The following EXOSC9 variants were observed in gnomAD, a reference collection of about 807,000 sequenced individuals.
EXOSC9 encodes exosome complex component RRP45.
Under a neutral mutation model 56.5 loss-of-function variants are expected in EXOSC9, and 38 were observed. The ratio of observed to expected loss-of-function variants is 0.67; its 90% CI spans 0.52 to 0.88. EXOSC9 has a LOEUF of 0.88. Among genes scored for constraint, EXOSC9 ranks in the 40% least tolerant of loss-of-function variants. The pLI, the probability that EXOSC9 is intolerant of heterozygous loss-of-function variation, is 0.00. For missense variants in EXOSC9, 559 were observed against 530.5 expected, an observed-to-expected ratio of 1.05 and a Z score of -0.53; for synonymous variants, 170 against 170.8, an observed-to-expected ratio of 0.99 and a Z score of 0.04.
chr4:121,816,040 TC>T, intron 10 of EXOSC9: 2 of 972,322 alleles, frequency 2.1e-6, no homozygotes, highest in Admixed American at 7.6e-5. Context: ...CACTGCAACC[TC>T]CACCTCCATG....
At chr4:121,806,848 G>A (rs116380932) in intron 5 of EXOSC9, among the ~76,000 whole-genome samples, 2,231 of 152,148 alleles carry the variant, frequency 0.015, 74 homozygotes, top group African/African-American at 0.051. Flanking sequence ...TTGGGGCTAG[G>A]GTGGGAGTAC....
chr4:121,802,057 T>A, intron 2 of EXOSC9, 136 bp downstream of exon 2: 1 of 659,248 alleles, frequency 1.5e-6, no homozygotes, highest in South Asian at 2.0e-5. Context: ...AGTATTTTTT[T>A]ATGCGAGATT....
chr4:121,812,582 A>C (rs1168722569), intron 8 of EXOSC9, among the ~76,000 whole-genome samples: 1 of 152,066 alleles, frequency 6.6e-6, no homozygotes, highest in Non-Finnish European at 1.5e-5. Context: ...CCTCCGCCTC[A>C]TGGCTTCAAG....
intron 5 of EXOSC9, among the ~76,000 whole-genome samples, chr4:121,805,665 TAAAG>T (rs1254520835): frequency 6.6e-6 from 1 of 152,124 alleles, no homozygotes; most frequent in African/African-American, 2.4e-5. Flanking sequence ...AAAAATCAAT[TAAAG>T]AATACTGTGG....
At chr4:121,801,963 T>A in intron 2 of EXOSC9, 42 bp downstream of exon 2, 1 of 1,405,124 alleles carries the variant, frequency 7.1e-7, no homozygotes, top group Non-Finnish European at 1.0e-6. Context: ...AAGGGAGAAG[T>A]TTGAAAAAAG....
At position 121,816,896 on chromosome 4, in the gene EXOSC9, G is replaced by T. The variant is rs549907729; in HGVS notation, c.*40G>T. ...TATCTGTATATATAACTATTAAAAG[G>T]GATATTTATTCCATTCTGAGAACCC... On this transcript the variant is annotated 3_prime_UTR_variant, in exon 12 of 12. Coordinates refer to ENST00000243498, the MANE Select transcript of EXOSC9 (RefSeq NM_005033.3). The T allele has an allele frequency of 1.0e-5, 15 of 1,462,628 alleles. No individual in the cohort carries two copies. The Admixed American group carries it at 2.4e-4, about 23-fold the overall frequency. The allele number at this position is 1,462,628 out of a possible 1,614,324, so 90.6% of individuals were successfully genotyped here. A position where few individuals can be genotyped will look rare whatever the true frequency, so the allele number is the denominator to read the frequency against.
intron 4 of EXOSC9, among the ~76,000 whole-genome samples, chr4:121,804,153 A>G (rs1578497578): frequency 6.8e-6 from 1 of 146,844 alleles, no homozygotes; most frequent in Non-Finnish European, 1.5e-5. Flanking sequence ...GGCGCGTGCC[A>G]CTCCACCCAG....
chr4:121,813,321 C>G lies in EXOSC9; in HGVS notation c.915C>G (p.Thr305=). ...AFKMEKAPID[T]SDVEEKAEEI... Reference sequence around the variant, plus strand: ...AAATGGAAAAGGCCCCTATTGATACCTCGGATGTAGAAGAAAAAGCAGAAG... The same window carrying G: ...AAATGGAAAAGGCCCCTATTGATACGTCGGATGTAGAAGAAAAAGCAGAAG... Residue 305 remains threonine (T), a synonymous_variant, in exon 9 of 12, where the codon ACC becomes ACG. Transcript: ENST00000243498. The G allele has an allele frequency of 6.2e-7, 1 of 1,613,492 alleles. No homozygotes were observed. Among genetic ancestry groups the G allele is most frequent in the East Asian group, 2.2e-5 (1 of 44,834 alleles).
intron 6 of EXOSC9, among the ~76,000 whole-genome samples, chr4:121,809,235 TCCTGA>T (rs1230467569): frequency 4.6e-5 from 7 of 151,650 alleles, no homozygotes; most frequent in Admixed American, 4.6e-4. Context: ...GATCTTGCAG[TCCTGA>T]CCTCCCAAAG....
intron 10 of EXOSC9, chr4:121,816,055 T>C: frequency 1.2e-6 from 1 of 855,584 alleles, no homozygotes; most frequent in Non-Finnish European, 1.6e-6. Context: ...CTCCATGGGT[T>C]CAAGCGATTC....
chr4:121,811,380 A>G (rs1271557929), intron 7 of EXOSC9, among the ~76,000 whole-genome samples: 1 of 152,184 alleles, frequency 6.6e-6, no homozygotes, highest in Non-Finnish European at 1.5e-5. Flanking sequence ...GAAAGTTTTT[A>G]TGTCTGTTCC....
In EXOSC9 at chr4:121,816,950, T is replaced by A. The variant is rs949102818; in HGVS notation, c.*94T>A. The A allele has an allele frequency of 8.3e-7, 1 of 1,201,812 alleles. No homozygotes were observed. The highest frequency in any genetic ancestry group is 1.1e-6 in the Non-Finnish European group (1 of 895,486). The allele number at this position is 1,201,812 out of a possible 1,614,324, so 74.4% of individuals were successfully genotyped here. Reference sequence around the variant, plus strand: ...GTATTTTTTATTCACAAATCCATTATAAAATCTAGCAGGATTTTAAAAATA... The same window carrying A: ...GTATTTTTTATTCACAAATCCATTAAAAAATCTAGCAGGATTTTAAAAATA... On this transcript the variant is annotated 3_prime_UTR_variant, in exon 12 of 12. Coordinates refer to ENST00000243498, the MANE Select transcript of EXOSC9 (RefSeq NM_005033.3).
At chr4:121,813,721 A>G (rs931004186) in intron 9 of EXOSC9, 145 bp from the exon 10 acceptor site, 7 of 582,386 alleles carry the variant, frequency 1.2e-5, no homozygotes, top group African/African-American at 9.3e-5. Context: ...TCAGCCATCC[A>G]TAGTGTAGCT....
At chr4:121,803,291 A>G (rs1056754690) in intron 4 of EXOSC9, among the ~76,000 whole-genome samples, 1 of 152,034 alleles carries the variant, frequency 6.6e-6, no homozygotes, top group Non-Finnish European at 1.5e-5. Flanking sequence ...AGCAACTTAG[A>G]TTTTTGTGTA....
intron 6 of EXOSC9, among the ~76,000 whole-genome samples, chr4:121,808,023 C>G (rs184695679): frequency 6.6e-6 from 1 of 152,152 alleles, no homozygotes; most frequent in East Asian, 1.9e-4. Context: ...TGGAGTAGTT[C>G]TAGGAGTCGG....
Position 121,807,538 on chromosome 4 carries a change from A to G in EXOSC9, c.523-2A>G, listed in dbSNP as rs753149983. On this transcript the variant is annotated splice_acceptor_variant, in intron 5 of 11. Coordinates refer to ENST00000243498, the MANE Select transcript of EXOSC9 (RefSeq NM_005033.3). LOFTEE classifies it high-confidence loss of function. Reference sequence around the variant, plus strand: ...ATTATTAAACATTTTCTTTTGAAACAGTATACACCTGAAGAGCGTGATCCT... The same window carrying G: ...ATTATTAAACATTTTCTTTTGAAACGGTATACACCTGAAGAGCGTGATCCT... The G allele has an allele frequency of 4.4e-6, 7 of 1,577,056 alleles. No individual in the cohort carries two copies. In the South Asian group the frequency reaches 8.1e-5, roughly 18 times the overall value.
At chr4:121,812,146 C>T (rs1727230912) in intron 8 of EXOSC9, among the ~76,000 whole-genome samples, 2 of 152,142 alleles carry the variant, frequency 1.3e-5, no homozygotes, top group Non-Finnish European at 1.5e-5. Context: ...GCATCAAACC[C>T]ACTTATTGCA....
intron 10 of EXOSC9, 43 bp downstream of exon 10, chr4:121,814,090 T>C (rs750377173): frequency 8.4e-7 from 1 of 1,193,536 alleles, no homozygotes; most frequent in Non-Finnish European, 1.2e-6. Context: ...ATTACATACA[T>C]ATAGTATTAC....
intron 4 of EXOSC9, 144 bp from the exon 5 acceptor site, chr4:121,804,478 A>G (rs557144346): frequency 4.0e-6 from 2 of 498,962 alleles, no homozygotes; most frequent in Admixed American, 3.7e-5. Context: ...TTTCTAAAAT[A>G]TATTTTTTGT....
Sources: allele counts gnomAD v4.1 joint callset (sites outside exome capture counted in the v4.1 genomes callset), GRCh38; gene constraint gnomAD v4.1.1; transcripts MANE v1.5; gene names NCBI Gene and HGNC (gene_info 2026-07-23, HGNC 2026-07-21).